NWD2: variants seen among roughly 807,000 people sequenced by gnomAD.
NWD2 encodes the protein NACHT and WD repeat domain-containing protein 2.
NWD2 carries 37 observed loss-of-function variants against 132.7 expected under a neutral mutation model. The observed-to-expected ratio is 0.28, with a 90% CI of 0.21 to 0.37. The LOEUF (loss-of-function observed/expected upper bound fraction) is 0.37. Among genes scored for constraint, NWD2 ranks in the 10% least tolerant of loss-of-function variants. The pLI is 1.00. For synonymous variants in NWD2, 705 were observed against 803.0 expected (o/e 0.88, Z 2.06); for missense variants, 1,592 against 2,122.4 (o/e 0.75, Z 4.91).
intron 1 of NWD2, among the ~76,000 whole-genome samples, chr4:37,295,449 C>T (rs746937925): frequency 2.0e-5 from 3 of 152,286 alleles, no homozygotes; most frequent in East Asian, 1.9e-4. Flanking sequence ...TCTCATGCTG[C>T]GCCTTAGCTC....
intron 1 of NWD2, among the ~76,000 whole-genome samples, chr4:37,281,865 A>C (rs1326035483): frequency 6.6e-6 from 1 of 152,228 alleles, no homozygotes; most frequent in African/African-American, 2.4e-5. Flanking sequence ...AGTTATAAAT[A>C]ATTTAATCTG....
intron 5 of NWD2, among the ~76,000 whole-genome samples, chr4:37,437,683 AT>A: frequency 6.6e-6 from 1 of 152,310 alleles, no homozygotes; most frequent in African/African-American, 2.4e-5. Context: ...TTTGTCATTC[AT>A]TTCCATTAGC....
At chr4:37,442,380 C>T (rs1712509945) in intron 6 of NWD2, among the ~76,000 whole-genome samples, 1 of 152,180 alleles carries the variant, frequency 6.6e-6, no homozygotes, top group Admixed American at 6.5e-5. Context: ...GTGGGCTCCT[C>T]ACATATTTTA....
rs1250541546 is a variant in NWD2, at chr4:37,439,324, C to A, written c.1230C>A (p.Asn410Lys). Reference protein sequence around the residue: ...YILPSKAGHINPLIIYGGPCT... With the variant: ...YILPSKAGHIKPLIIYGGPCT... ...TTCCAAGCAAAGCTGGACACATCAA[C>A]CCTCTTATTATATATGGTGGGCCAT... The change falls in exon 6 of 7, where the codon AAC (asparagine) becomes AAA (lysine). Residue 410 changes from asparagine (N) to lysine (K), a missense_variant. Transcript: ENST00000309447. This position sits in a 1 kb window ranked among gnomAD's most constrained non-coding sequence, Gnocchi z 4.5. 2 of 1,546,172 alleles carry A rather than the reference C, an allele frequency of 1.3e-6. No homozygotes were observed. The highest frequency in any genetic ancestry group is 8.7e-7 in the Non-Finnish European group (1 of 1,145,166).
intron 1 of NWD2, among the ~76,000 whole-genome samples, chr4:37,254,922 G>T (rs931067273): frequency 5.9e-5 from 9 of 152,110 alleles, no homozygotes; most frequent in Non-Finnish European, 1.3e-4. Flanking sequence ...AATTTCACTC[G>T]GATGAAACCA....
At chr4:37,407,883 C>T (rs544846478) in intron 3 of NWD2, among the ~76,000 whole-genome samples, 62 of 152,222 alleles carry the variant, frequency 4.1e-4, no homozygotes, top group East Asian at 1.5e-3. Flanking sequence ...CCATGGAGGG[C>T]GAGCAGAAGC....
At chr4:37,279,194 G>A (rs989496942) in intron 1 of NWD2, among the ~76,000 whole-genome samples, 3 of 151,994 alleles carry the variant, frequency 2.0e-5, no homozygotes, top group African/African-American at 7.3e-5. Flanking sequence ...TATTTCAATT[G>A]TTTGCTTTTA....
chr4:37,301,922 T>C (rs1469769297), intron 1 of NWD2, among the ~76,000 whole-genome samples: 1 of 151,976 alleles, frequency 6.6e-6, no homozygotes, highest in Non-Finnish European at 1.5e-5. Context: ...TTAGAAAGTG[T>C]AATGACTGAA....
intron 1 of NWD2, among the ~76,000 whole-genome samples, chr4:37,247,056 C>T (rs1717257725): frequency 1.3e-5 from 2 of 152,148 alleles, no homozygotes; most frequent in South Asian, 2.1e-4. Context: ...AGGGAGGAGC[C>T]AGTCATGCCC....
rs1296179304 is a variant in NWD2 at position 37,429,563 on chromosome 4, G to A, written c.358-1009G>A. 5.3e-5 allele frequency among the ~76,000 whole-genome samples: 8 copies of A among 152,044 alleles called. No homozygotes were observed. The East Asian group carries it at 1.2e-3, about 22-fold the overall frequency. ...GCTCCTGGCCTCAAGTGATCCACCCGCCTCAGCCTCCCAAAGTGCTGGGAT... is the reference window on the plus strand; with the variant it reads ...GCTCCTGGCCTCAAGTGATCCACCCACCTCAGCCTCCCAAAGTGCTGGGAT... On this transcript the variant is annotated intron_variant, in intron 3 of 6. Transcript: ENST00000309447.
At chr4:37,419,153 T>C (rs751330460) in intron 3 of NWD2, among the ~76,000 whole-genome samples, 1 of 152,058 alleles carries the variant, frequency 6.6e-6, no homozygotes, top group Non-Finnish European at 1.5e-5. Flanking sequence ...GTGGATAAAA[T>C]ATTCCCTATT....
intron 1 of NWD2, among the ~76,000 whole-genome samples, chr4:37,311,803 G>A (rs1718848022): frequency 6.7e-6 from 1 of 149,210 alleles, no homozygotes. Context: ...ATTAATTTTT[G>A]TATAAGGTAT....
At chr4:37,318,295 G>A (rs1168398728) in intron 1 of NWD2, among the ~76,000 whole-genome samples, 1 of 151,924 alleles carries the variant, frequency 6.6e-6, no homozygotes, top group African/African-American at 2.4e-5. Context: ...CAAAGTGCTG[G>A]GATTACAGGC....
intron 2 of NWD2, among the ~76,000 whole-genome samples, chr4:37,326,681 C>T (rs550913535): frequency 1.3e-5 from 2 of 152,246 alleles, no homozygotes; most frequent in South Asian, 4.1e-4. Flanking sequence ...ATAAATGGCT[C>T]CTGCAACAGA....
At chr4:37,326,695 C>T (rs1577668881) in intron 2 of NWD2, among the ~76,000 whole-genome samples, 1 of 152,128 alleles carries the variant, frequency 6.6e-6, no homozygotes, top group Non-Finnish European at 1.5e-5. Flanking sequence ...CAACAGATAA[C>T]ATTATTTAGT....
At chr4:37,278,364 A>C (rs1487571807) in intron 1 of NWD2, among the ~76,000 whole-genome samples, 1 of 152,154 alleles carries the variant, frequency 6.6e-6, no homozygotes, top group African/African-American at 2.4e-5. Context: ...TATTATGTCC[A>C]CGAAACATGT....
rs1247924386 is a variant in NWD2, at chr4:37,430,791, C to G, written c.561+16C>G. On this transcript the variant is annotated intron_variant, in intron 4 of 6. Coordinates refer to ENST00000309447, the MANE Select transcript of NWD2 (RefSeq NM_001144990.2). Reference sequence around the variant, plus strand: ...TAGAAATGCAGTAAGCTGCCTTTCCCTCAAGCCTATGGATCTGTCCATTAC... The same window carrying G: ...TAGAAATGCAGTAAGCTGCCTTTCCGTCAAGCCTATGGATCTGTCCATTAC... 6.5e-7 allele frequency: 1 copy of G among 1,544,352 alleles called. No individual in the cohort carries two copies. Among genetic ancestry groups the G allele is most frequent in the East Asian group, 2.4e-5 (1 of 40,886 alleles).
chr4:37,277,675 A>G (rs955313112), intron 1 of NWD2, among the ~76,000 whole-genome samples: 16 of 152,050 alleles, frequency 1.1e-4, no homozygotes, highest in African/African-American at 3.6e-4. Context: ...TTACATTAAT[A>G]ACAACTTCTT....
rs1012951276 is a variant in NWD2 at position 37,335,579 on chromosome 4, C to T, written c.240+9555C>T. On this transcript the variant is annotated intron_variant, in intron 2 of 6. Transcript: ENST00000309447. The stretch of plus-strand genomic sequence containing the variant: ...GACCGTGGCCTGCTAGAAGCTGGGC[C>T]ACATGGCAGGAGGTGAGCAGTGAGG... Among the ~76,000 whole-genome samples, 9 of 152,034 alleles carry T rather than the reference C, an allele frequency of 5.9e-5. 1 individual carries two copies. Among genetic ancestry groups the T allele is most frequent in the Non-Finnish European group, 1.5e-5 (1 of 68,014 alleles).
Sources: allele counts gnomAD v4.1 joint callset (sites outside exome capture counted in the v4.1 genomes callset), GRCh38; gene constraint gnomAD v4.1.1; non-coding constraint Gnocchi (gnomAD v3.1); transcripts MANE v1.5; gene names NCBI Gene and HGNC (gene_info 2026-07-23, HGNC 2026-07-21).